GRID2: variants seen among roughly 807,000 people sequenced by gnomAD.
GRID2 encodes the protein glutamate receptor ionotropic, delta-2.
Under a neutral mutation model 114.8 loss-of-function variants are expected in GRID2, and 33 were observed. The ratio of observed to expected loss-of-function variants is 0.29; its 90% confidence interval spans 0.22 to 0.38. GRID2 has a LOEUF of 0.38. Ranked by LOEUF, GRID2 falls within the 10% of genes least tolerant of loss-of-function variation. The pLI, the probability that GRID2 is intolerant of heterozygous loss-of-function variation, is 1.00. For synonymous variants in GRID2, 505 were observed against 449.9 expected, an observed-to-expected ratio of 1.12 and a Z score of -1.55; for missense variants, 1,184 against 1,257.7, an observed-to-expected ratio of 0.94 and a Z score of 0.89.
chr4:92,364,823 C>T (rs992048403), intron 1 of GRID2, among the ~76,000 whole-genome samples: 3 of 152,058 alleles, frequency 2.0e-5, no homozygotes, highest in East Asian at 3.9e-4. Context: ...TATGCATCAA[C>T]TCTCTGAGTG....
chr4:93,686,235 T>C (rs75407911), intron 14 of GRID2, among the ~76,000 whole-genome samples: 6,077 of 152,074 alleles, frequency 0.04, 181 homozygotes, highest in African/African-American at 0.076. Context: ...CCTTCTCTCC[T>C]GCCCCCAGCT....
intron 2 of GRID2, among the ~76,000 whole-genome samples, chr4:92,600,032 GTGTGTGTGTGTGTATATATATATA>G (rs901087307): frequency 2.7e-5 from 2 of 73,022 alleles, no homozygotes; most frequent in South Asian, 4.9e-4. Context: ...GTATGTGTGT[GTGTGTGTGTGTGTATATATATATA>G]TATATATATA....
At chr4:93,171,585 G>A (rs906658861) in intron 4 of GRID2, among the ~76,000 whole-genome samples, 2 of 152,104 alleles carry the variant, frequency 1.3e-5, no homozygotes, top group Non-Finnish European at 2.9e-5. Context: ...TCCTAAACCA[G>A]GCTTCCAAAT....
intron 2 of GRID2, among the ~76,000 whole-genome samples, chr4:92,747,772 T>C (rs1459834430): frequency 1.2e-4 from 18 of 152,152 alleles, no homozygotes; most frequent in Admixed American, 1.2e-3. Context: ...CAATAATATT[T>C]ATTATTAAGC....
chr4:93,378,673 G>C (rs1180441359), intron 8 of GRID2, among the ~76,000 whole-genome samples: 1 of 151,982 alleles, frequency 6.6e-6, no homozygotes, highest in Non-Finnish European at 1.5e-5. Context: ...CTTAGAGAAC[G>C]GTCCTGTTTT....
chr4:93,426,063 C>G (rs1468963938), intron 10 of GRID2, among the ~76,000 whole-genome samples: 3 of 152,042 alleles, frequency 2.0e-5, no homozygotes, highest in Admixed American at 2.0e-4. Context: ...AGGATCTAAC[C>G]TAAATTGTTT....
intron 1 of GRID2, among the ~76,000 whole-genome samples, chr4:92,563,969 A>G (rs549159938): frequency 2.0e-5 from 3 of 152,088 alleles, no homozygotes; most frequent in East Asian, 1.9e-4. Context: ...ACTTCTACCT[A>G]TTCTTCAAGG....
At chr4:92,966,946 A>G (rs1051768355) in intron 2 of GRID2, among the ~76,000 whole-genome samples, 1 of 151,914 alleles carries the variant, frequency 6.6e-6, no homozygotes, top group South Asian at 2.1e-4. Flanking sequence ...TGATATAGGC[A>G]CCGTTGTCAT....
chr4:92,315,993 C>CAAAAAAAAAAAAAAAAAAAAAAAAAAAAA (rs778361565), intron 1 of GRID2, among the ~76,000 whole-genome samples: 99 of 61,700 alleles, frequency 1.6e-3, no homozygotes, highest in Non-Finnish European at 2.1e-3. Flanking sequence ...AAACAAAAAG[C>CAAAAAAAAAAAAAAAAAAAAAAAAAAAAA]AAAAAAAAAA....
At chr4:93,471,781 A>G (rs1342053547) in intron 11 of GRID2, among the ~76,000 whole-genome samples, 1 of 129,748 alleles carries the variant, frequency 7.7e-6, no homozygotes, top group Non-Finnish European at 1.6e-5. Context: ...GCTCACTGCA[A>G]CCTCCGCCTC....
chr4:93,314,303 C>CAAAAAAAAA (rs56977080), intron 8 of GRID2, among the ~76,000 whole-genome samples: 8 of 54,152 alleles, frequency 1.5e-4, no homozygotes, highest in Non-Finnish European at 2.4e-4. Flanking sequence ...GAGTCTGTCT[C>CAAAAAAAAA]AAAAAAAAAA....
At chr4:93,363,309 T>A (rs1762043809) in intron 8 of GRID2, among the ~76,000 whole-genome samples, 1 of 152,174 alleles carries the variant, frequency 6.6e-6, no homozygotes, top group Non-Finnish European at 1.5e-5. Context: ...CATGTGCCTC[T>A]TTGTCCTTGG....
At position 93,042,661 on chromosome 4, in the gene GRID2, ATCTC is replaced by A. The variant is rs757987396; in HGVS notation, c.245-42326_245-42323del. Among the ~76,000 whole-genome samples the A allele has an allele frequency of 6.3e-5, 9 of 142,208 alleles. No homozygotes were observed. In the East Asian group the frequency reaches 8.3e-4, roughly 13 times the overall value. 93.3% of individuals were successfully genotyped at this position (142,208 alleles called of 152,430 possible). The stretch of plus-strand genomic sequence containing the variant: ...TATATATTTCTATCTCTATATTTCT[ATCTC>A]TCTCTCTATATATCTATATATATAT... On this transcript the variant is annotated intron_variant, in intron 2 of 15. Coordinates refer to ENST00000282020, the MANE Select transcript of GRID2 (RefSeq NM_001510.4).
Position 93,359,376 on chromosome 4 carries a change from A to C in GRID2, c.1246-36231A>C, listed in dbSNP as rs1018728784. Among the ~76,000 whole-genome samples, 5 of 152,120 alleles carry C rather than the reference A, an allele frequency of 3.3e-5. 1 individual carries two copies. In the South Asian group the frequency reaches 1.0e-3, roughly 31 times the overall value. On this transcript the variant is annotated intron_variant, in intron 8 of 15. Coordinates refer to ENST00000282020, the MANE Select transcript of GRID2 (RefSeq NM_001510.4). ...CAGGCATGCAATGTGAAATCAGCAC[A>C]TCATGGAGAATGGGATATCCTTTCC... is the stretch of plus-strand genomic sequence containing the variant.
intron 8 of GRID2, among the ~76,000 whole-genome samples, chr4:93,323,693 T>C (rs1757501910): frequency 6.6e-6 from 1 of 152,170 alleles, no homozygotes; most frequent in Admixed American, 6.5e-5. Flanking sequence ...GGAATGTTCT[T>C]CCATTTGTTT....
chr4:92,531,032 C>T (rs1725327742), intron 1 of GRID2, among the ~76,000 whole-genome samples: 1 of 152,050 alleles, frequency 6.6e-6, no homozygotes, highest in Non-Finnish European at 1.5e-5. Context: ...TTATTATTTA[C>T]AGGCATATAC....
chr4:92,955,557 T>G (rs1236333404), intron 2 of GRID2, among the ~76,000 whole-genome samples: 14 of 152,158 alleles, frequency 9.2e-5, no homozygotes, highest in Admixed American at 4.6e-4. Flanking sequence ...TTTCTCCCAT[T>G]TTGTAGGTTG....
At chr4:92,701,157 T>A (rs555618497) in intron 2 of GRID2, among the ~76,000 whole-genome samples, 135 of 152,274 alleles carry the variant, frequency 8.9e-4, no homozygotes, top group Non-Finnish European at 1.5e-3. Flanking sequence ...ATCTATGAAA[T>A]GAAGATAATC....
intron 1 of GRID2, among the ~76,000 whole-genome samples, chr4:93,805,990 G>C (rs1046469605): frequency 6.6e-6 from 1 of 152,046 alleles, no homozygotes; most frequent in Non-Finnish European, 1.5e-5. Flanking sequence ...CCAGCTACTC[G>C]GGAAGCTGAG....
Sources: gnomAD v4.1 joint callset for allele counts (sites outside exome capture counted in the v4.1 genomes callset) on GRCh38, gnomAD v4.1.1 for gene constraint, MANE v1.5 for transcripts, NCBI Gene and HGNC (gene_info 2026-07-23, HGNC 2026-07-21) for gene names.